Variants in TLE1 observed in about 807,000 individuals in gnomAD.
TLE1 encodes transducin-like enhancer protein 1.
In TLE1, 21 loss-of-function variants were observed where a neutral mutation model predicts 89.8. The ratio of observed to expected loss-of-function variants is 0.23; its 90% CI spans 0.17 to 0.34. TLE1 has a LOEUF of 0.34. Ranked by LOEUF, TLE1 falls within the 10% of genes least tolerant of loss-of-function variation. The probability of loss-of-function intolerance (pLI) is 1.00; values close to 1 mark genes in which losing one functional copy is unlikely to be tolerated. For synonymous variants in TLE1, 447 were observed against 407.6 expected, an observed-to-expected ratio of 1.10 and a Z score of -1.16; for missense variants, 795 against 1,031.2, an observed-to-expected ratio of 0.77 and a Z score of 3.14.
intron 4 of TLE1, among the ~76,000 whole-genome samples, chr9:81,659,040 C>T (rs897000457): frequency 6.6e-6 from 1 of 152,082 alleles, no homozygotes; most frequent in African/African-American, 2.4e-5. Flanking sequence ...TCGCGAGTAG[C>T]TGGGATGACA....
intron 6 of TLE1, among the ~76,000 whole-genome samples, chr9:81,637,342 G>C (rs1827516461): frequency 6.6e-6 from 1 of 152,188 alleles, no homozygotes; most frequent in African/African-American, 2.4e-5. Context: ...TGGGTGACAA[G>C]AGTGAGACTC....
intron 14 of TLE1, chr9:81,599,986 G>T: frequency 3.2e-6 from 2 of 618,802 alleles, no homozygotes; most frequent in South Asian, 4.0e-5. Flanking sequence ...AGAAACAGAT[G>T]ACCTAAGTTG....
At chr9:81,587,199 G>A (rs1187096788) in intron 17 of TLE1, among the ~76,000 whole-genome samples, 1 of 152,166 alleles carries the variant, frequency 6.6e-6, no homozygotes, top group Non-Finnish European at 1.5e-5. Flanking sequence ...TGAGGTATCT[G>A]TGCATTTTTT....
chr9:81,677,647 A>G (rs957021824), intron 4 of TLE1, among the ~76,000 whole-genome samples: 7 of 152,110 alleles, frequency 4.6e-5, no homozygotes, highest in Middle Eastern at 6.8e-3. Context: ...TACCTAGACT[A>G]GTATCATAGA....
intron 6 of TLE1, among the ~76,000 whole-genome samples, chr9:81,642,136 C>A (rs1333623187): frequency 1.3e-5 from 2 of 152,140 alleles, no homozygotes; most frequent in Non-Finnish European, 2.9e-5. Context: ...CCTTTGTACA[C>A]TGTTCTTAGG....
At chr9:81,634,560 TCACATCTA>T (rs1199459847) in intron 6 of TLE1, among the ~76,000 whole-genome samples, 1 of 150,594 alleles carries the variant, frequency 6.6e-6, no homozygotes, top group Non-Finnish European at 1.5e-5. Context: ...AATATAATCC[TCACATCTA>T]CACTGTCACT....
chr9:81,584,118 A>G lies in TLE1; in HGVS notation c.*80T>C. 7.6e-7 allele frequency: 1 copy of G among 1,317,890 alleles called. No individual in the cohort carries two copies. Among genetic ancestry groups the G allele is most frequent in the Non-Finnish European group, 1.1e-6 (1 of 923,670 alleles). The allele number at this position is 1,317,890 out of a possible 1,614,324, so 81.6% of individuals were successfully genotyped here. Reference sequence around the variant, plus strand: ...GTGTTTGTAATTTTTTTTCTCTTTTAAAGTTACAACTTTTCTATTTCTATA... The same window carrying G: ...GTGTTTGTAATTTTTTTTCTCTTTTGAAGTTACAACTTTTCTATTTCTATA... On this transcript the variant is annotated 3_prime_UTR_variant, in exon 20 of 20. Coordinates refer to ENST00000376499, the MANE Select transcript of TLE1 (RefSeq NM_005077.5).
intron 4 of TLE1, among the ~76,000 whole-genome samples, chr9:81,673,543 G>C (rs1030738700): frequency 1.3e-5 from 2 of 152,082 alleles, no homozygotes; most frequent in African/African-American, 4.8e-5. Flanking sequence ...CCCATGCCAG[G>C]AAACTACGCA....
At chr9:81,617,928 G>T (rs1824757323) in intron 9 of TLE1, among the ~76,000 whole-genome samples, 1 of 152,120 alleles carries the variant, frequency 6.6e-6, no homozygotes, top group African/African-American at 2.4e-5. Context: ...CGGAGGCTGA[G>T]GCAGGAGAAT....
intron 14 of TLE1, among the ~76,000 whole-genome samples, chr9:81,600,354 T>C (rs1234418729): frequency 6.6e-6 from 1 of 152,096 alleles, no homozygotes. Context: ...GAGGAATTAT[T>C]ATAGCTAAAC....
At chr9:81,682,860 T>G (rs1473207986) in intron 4 of TLE1, among the ~76,000 whole-genome samples, 6 of 152,202 alleles carry the variant, frequency 3.9e-5, no homozygotes, top group African/African-American at 1.4e-4. Flanking sequence ...ATATTCTTAG[T>G]GCTACCATGA....
intron 4 of TLE1, among the ~76,000 whole-genome samples, chr9:81,677,094 G>A (rs1046425187): frequency 2.1e-4 from 32 of 152,008 alleles, no homozygotes; most frequent in African/African-American, 7.7e-4. Flanking sequence ...CAATTAGCTG[G>A]GTCCGTGGTG....
chr9:81,593,135 T>G lies in TLE1; in HGVS notation c.1471A>C (p.Thr491Pro). 1 of 1,614,102 alleles carries G rather than the reference T, an allele frequency of 6.2e-7. No homozygotes were observed. The highest frequency in any genetic ancestry group is 8.5e-7 in the Non-Finnish European group (1 of 1,180,016). ...ACGTGTCTCGTGGGGTTGCTGATGG[T>G]CACAGCGCACACCACCTCCCCGTGG... ...LNHGEVVCAVTISNPTRHVYT... is the reference protein window; with the variant it reads ...LNHGEVVCAVPISNPTRHVYT... Residue 491 changes from threonine (T) to proline (P), a missense_variant, in exon 15 of 20, where the codon ACC (threonine) becomes CCC (proline). By Grantham distance (38) the Thr-to-Pro change is conservative. Around this residue, in one of 4 missense-constraint regions of TLE1, gnomAD observed 468 missense variants for 509.1 expected, o/e 0.92. Coordinates refer to ENST00000376499, the MANE Select transcript of TLE1 (RefSeq NM_005077.5).
At chr9:81,594,880 C>T (rs1438611148) in intron 14 of TLE1, among the ~76,000 whole-genome samples, 1 of 152,156 alleles carries the variant, frequency 6.6e-6, no homozygotes, top group East Asian at 1.9e-4. Context: ...CATACATTTG[C>T]TTGAAAATAA....
At chr9:81,678,322 G>C (rs973262375) in intron 4 of TLE1, among the ~76,000 whole-genome samples, 6 of 152,248 alleles carry the variant, frequency 3.9e-5, no homozygotes, top group African/African-American at 1.4e-4. Flanking sequence ...AGATCCTCCT[G>C]CCTCACTCAG....
At chr9:81,635,451 C>T (rs1827246548) in intron 6 of TLE1, among the ~76,000 whole-genome samples, 1 of 152,150 alleles carries the variant, frequency 6.6e-6, no homozygotes, top group Admixed American at 6.5e-5. Flanking sequence ...TGCTCTTATA[C>T]ATTATATTTA....
In TLE1 at chr9:81,687,364, T is replaced by C; in HGVS notation, c.95A>G (p.Glu32Gly). 6.2e-7 allele frequency: 1 copy of C among 1,609,182 alleles called. No homozygotes were observed. The highest frequency in any genetic ancestry group is 8.5e-7 in the Non-Finnish European group (1 of 1,178,880). Residue 32 changes from glutamate (E) to glycine (G), a missense_variant, in exon 2 of 20, where the codon GAA becomes GGA. Glu to Gly is a moderately conservative substitution (Grantham distance 98). This residue lies in a region of TLE1 where 47 missense variants were observed against 48.5 expected (regional missense o/e 0.97). Transcript: ENST00000376499. ...IPESLDRIKE[E>G]FQFLQAQYHS... ...ATACTGCGCCTGCAGGAACTGGAAT[T>C]CCTCTTTAATCCGGTCCAGGGACTC... is the stretch of plus-strand genomic sequence containing the variant.
chr9:81,606,914 G>C (rs552273231), intron 14 of TLE1, among the ~76,000 whole-genome samples: 1 of 151,954 alleles, frequency 6.6e-6, no homozygotes, highest in South Asian at 2.1e-4. Flanking sequence ...GCTCAAACAT[G>C]AAAGAGAATC....
At chr9:81,617,504 C>T (rs1311214773) in intron 9 of TLE1, among the ~76,000 whole-genome samples, 2 of 151,638 alleles carry the variant, frequency 1.3e-5, no homozygotes, top group Non-Finnish European at 2.9e-5. Flanking sequence ...GAGTTCAAGA[C>T]CAGCCTGGCC....
Sources: allele counts gnomAD v4.1 joint callset (sites outside exome capture counted in the v4.1 genomes callset), GRCh38; gene constraint gnomAD v4.1.1; regional missense constraint gnomAD v4.1.1; transcripts MANE v1.5; gene names NCBI Gene and HGNC (gene_info 2026-07-23, HGNC 2026-07-21).